ASPG: variants seen among roughly 807,000 people sequenced by gnomAD.
The protein encoded by ASPG is 60 kDa lysophospholipase.
Under a neutral mutation model 63.2 loss-of-function variants are expected in ASPG, and 53 were observed. The observed-to-expected ratio is 0.84, with a 90% CI of 0.67 to 1.05. The LOEUF (loss-of-function observed/expected upper bound fraction) is 1.05. Ranked by LOEUF, ASPG falls within the 50% of genes least tolerant of loss-of-function variation. The probability of loss-of-function intolerance (pLI) is 0.00; values close to 1 mark genes in which losing one functional copy is unlikely to be tolerated. For missense variants in ASPG, 741 were observed against 794.4 expected (o/e 0.93, Z 0.81); for synonymous variants, 370 against 355.0 (o/e 1.04, Z -0.48).
chr14:104,097,285 C>A (rs1186132541), intron 4 of ASPG, among the ~76,000 whole-genome samples: 1 of 152,000 alleles, frequency 6.6e-6, no homozygotes, highest in Non-Finnish European at 1.5e-5. Context: ...TGGGTTGAGG[C>A]CCTGGGTGCA....
chr14:104,092,862 C>G, intron 2 of ASPG, 121 bp downstream of exon 2: 1 of 808,742 alleles, frequency 1.2e-6, no homozygotes, highest in Non-Finnish European at 2.0e-6. Flanking sequence ...CTCTAACATC[C>G]CCTCAGCTTA....
chr14:104,089,096 C>G (rs12897334), intron 1 of ASPG, among the ~76,000 whole-genome samples: 2 of 151,904 alleles, frequency 1.3e-5, no homozygotes, highest in African/African-American at 4.8e-5. Flanking sequence ...TCTCAGCTCA[C>G]TGCAAGCTCT....
chr14:104,105,572 A>G (rs2037087664), intron 10 of ASPG, 122 bp downstream of exon 10: 2 of 1,339,132 alleles, frequency 1.5e-6, no homozygotes, highest in African/African-American at 3.0e-5. Context: ...ACAGTTAGGC[A>G]CACCCGGGTT....
rs374652325 is a variant in ASPG at position 104,107,272 on chromosome 14, C to T, written c.1360C>T (p.Leu454=). 53 of 1,609,428 alleles carry T rather than the reference C, an allele frequency of 3.3e-5. No homozygotes were observed. The highest frequency in any genetic ancestry group is 4.5e-5 in the Non-Finnish European group (53 of 1,177,954). The change falls in exon 12 of 16, where the codon CTG becomes TTG. Residue 454 remains leucine, a synonymous_variant. Coordinates refer to ENST00000551177, the MANE Select transcript of ASPG (RefSeq NM_001080464.3). ...GGHTEAVTML[L]QRGVDVNTRD... is the part of the protein sequence containing the mutation. ...CCACACAGAGGCAGTCACCATGCTGCTGCAGAGAGGTGTGGACGTGAACAC... is the reference window on the plus strand; with the variant it reads ...CCACACAGAGGCAGTCACCATGCTGTTGCAGAGAGGTGTGGACGTGAACAC...
Position 104,104,394 on chromosome 14 carries a change from G to T in ASPG, c.844G>T (p.Glu282Ter). ...ACCCACCAAGCCCGACCTGCTGCAGGAGCTGCGGGTGGCCACCGAGCGCGG... is the reference window on the plus strand; with the variant it reads ...ACCCACCAAGCCCGACCTGCTGCAGTAGCTGCGGGTGGCCACCGAGCGCGG... ...NGPTKPDLLQ[E>*]LRVATERGLV... is the part of the protein sequence containing the mutation. The change falls in exon 8 of 16, where the codon GAG becomes TAG. Residue 282 changes from glutamate to a stop codon, truncating the protein, a stop_gained. Transcript: ENST00000551177. LOFTEE classifies it high-confidence loss of function. 6.2e-7 allele frequency: 1 copy of T among 1,612,622 alleles called. No individual in the cohort carries two copies. Among genetic ancestry groups the T allele is most frequent in the Non-Finnish European group, 8.5e-7 (1 of 1,179,826 alleles).
chr14:104,111,070 C>T (rs1596115644), intron 13 of ASPG: 18 of 985,450 alleles, frequency 1.8e-5, no homozygotes, highest in Middle Eastern at 5.2e-4. Flanking sequence ...CCGGGAAGAG[C>T]GGTGTGTTGT....
rs540467156 is a variant in ASPG at position 104,094,193 on chromosome 14, G to A, written c.303+591G>A. On this transcript the variant is annotated intron_variant, in intron 3 of 15. Coordinates refer to ENST00000551177, the MANE Select transcript of ASPG (RefSeq NM_001080464.3). Reference sequence around the variant, plus strand: ...GGGCCAAGTCGACTTCCCAGATGAGGACACAACGGGAACAGTTGTCTTAGC... The same window carrying A: ...GGGCCAAGTCGACTTCCCAGATGAGAACACAACGGGAACAGTTGTCTTAGC... Among the ~76,000 whole-genome samples, 635 of 152,106 alleles carry A rather than the reference G, an allele frequency of 4.2e-3. 3 individuals are homozygous for A. Among genetic ancestry groups the A allele is most frequent in the Admixed American group, 8.8e-3 (135 of 15,288 alleles).
intron 13 of ASPG, chr14:104,111,001 C>T: frequency 1.0e-6 from 1 of 985,452 alleles, no homozygotes. Flanking sequence ...CCTCCTGTGT[C>T]CCCCTCTCTG....
intron 10 of ASPG, among the ~76,000 whole-genome samples, chr14:104,106,002 C>G (rs902870176): frequency 6.6e-6 from 1 of 152,350 alleles, no homozygotes; most frequent in South Asian, 2.1e-4. Context: ...GCAGGCCAGA[C>G]AGCCTTGCTC....
At position 104,112,183 on chromosome 14, in the gene ASPG, TGAG is replaced by T. The variant is rs2037402832; in HGVS notation, c.1701+187_1701+189del. Among the ~76,000 whole-genome samples the T allele has an allele frequency of 2.0e-5, 3 of 151,556 alleles. No individual in the cohort carries two copies. In the South Asian group the frequency reaches 6.2e-4, roughly 32 times the overall value. The stretch of plus-strand genomic sequence containing the variant: ...TCCAGGGTGGAACACAGTTTAGAGG[TGAG>T]GAGAAGGAGAAAGGAGCAGTCAGGG... On this transcript the variant is annotated intron_variant, in intron 15 of 15. Coordinates refer to ENST00000551177, the MANE Select transcript of ASPG (RefSeq NM_001080464.3).
intron 4 of ASPG, among the ~76,000 whole-genome samples, chr14:104,096,453 G>A (rs561878905): frequency 3.3e-4 from 50 of 152,256 alleles, no homozygotes; most frequent in Non-Finnish European, 4.7e-4. Flanking sequence ...CTTGCCTGGC[G>A]CCGTCTCCCT....
rs984294790 is a variant in ASPG, at chr14:104,097,998, C to T, written c.513+361C>T. 2.8e-3 allele frequency among the ~76,000 whole-genome samples: 366 copies of T among 130,248 alleles called. 1 individual carries two copies. The highest frequency in any genetic ancestry group is 3.7e-3 in the Non-Finnish European group (226 of 61,792). 85.4% of individuals were successfully genotyped at this position (130,248 alleles called of 152,430 possible). A position where few individuals can be genotyped will look rare whatever the true frequency, so the allele number is the denominator to read the frequency against. ...GTTAGAGATGCGTATGGAGGTTCTG[C>T]GTTAGAGATGCGTATGGAGGTTCTG... On this transcript the variant is annotated intron_variant, in intron 5 of 15. Transcript: ENST00000551177.
At chr14:104,107,479 C>T (rs145189706) in intron 12 of ASPG, 134 bp downstream of exon 12, 10,956 of 912,712 alleles carry the variant, frequency 0.012, 94 homozygotes, top group Non-Finnish European at 0.013. Context: ...AGGCTGCCCC[C>T]GCAGCCCGGG....
intron 2 of ASPG, 132 bp from the exon 3 acceptor site, chr14:104,093,359 C>A: frequency 1.3e-6 from 1 of 790,092 alleles, no homozygotes; most frequent in Non-Finnish European, 2.2e-6. Flanking sequence ...TGAGAACTTG[C>A]TATGTGCGGA....
At chr14:104,094,000 C>T (rs1401455289) in intron 3 of ASPG, among the ~76,000 whole-genome samples, 1 of 151,746 alleles carries the variant, frequency 6.6e-6, no homozygotes, top group Admixed American at 6.6e-5. Flanking sequence ...CAGAAACACT[C>T]TGGGACGGGT....
chr14:104,092,708 C>A lies in ASPG; in HGVS notation c.158C>A (p.Ala53Asp). 1 of 1,537,198 alleles carries A rather than the reference C, an allele frequency of 6.5e-7. No individual in the cohort carries two copies. The change falls in exon 2 of 16, where the codon GCC becomes GAC. Residue 53 changes from alanine (A) to aspartate (D), a missense_variant. Physicochemically the swap from Ala to Asp is moderately radical, Grantham distance 126 (BLOSUM62 -2). Transcript: ENST00000551177. ...TTCCATGACGAGGAGCACGCCCGAGCCCGCGGCCTCTCTGAGGACACCCTG... is the reference window on the plus strand; with the variant it reads ...TTCCATGACGAGGAGCACGCCCGAGACCGCGGCCTCTCTGAGGACACCCTG... Reference protein sequence around the residue: ...PMFHDEEHARARGLSEDTLVL... With the variant: ...PMFHDEEHARDRGLSEDTLVL...
intron 10 of ASPG, among the ~76,000 whole-genome samples, chr14:104,105,752 G>A (rs1449451267): frequency 1.3e-5 from 2 of 152,196 alleles, no homozygotes; most frequent in South Asian, 2.1e-4. Context: ...GAAGAAGGGC[G>A]GGTGAGTGGG....
chr14:104,089,548 A>T (rs1167632838), intron 1 of ASPG, among the ~76,000 whole-genome samples: 1 of 152,126 alleles, frequency 6.6e-6, no homozygotes, highest in Non-Finnish European at 1.5e-5. Flanking sequence ...ATGCCACTAC[A>T]TACCTGTTAG....
Position 104,110,945 on chromosome 14 carries a change from C to A in ASPG, c.1521-557C>A, listed in dbSNP as rs1001940588. ...AGACCCCTGTCCCAGCCAGGACCCC[C>A]CCATGCAGTCTGCCGGGGTCCAGGG... On this transcript the variant is annotated intron_variant, in intron 13 of 15. Coordinates refer to ENST00000551177, the MANE Select transcript of ASPG (RefSeq NM_001080464.3). This position sits in a 1 kb window ranked among gnomAD's most constrained non-coding sequence, Gnocchi z 4.7. 1 of 985,288 alleles carries A rather than the reference C, an allele frequency of 1.0e-6. No homozygotes were observed. Among genetic ancestry groups the A allele is most frequent in the African/African-American group, 1.7e-5 (1 of 57,230 alleles). The allele number at this position is 985,288 out of a possible 1,614,324, so 61.0% of individuals were successfully genotyped here.
Sources: gnomAD v4.1 joint callset for allele counts (sites outside exome capture counted in the v4.1 genomes callset) on GRCh38, gnomAD v4.1.1 for gene constraint, Gnocchi (gnomAD v3.1) non-coding constraint, MANE v1.5 for transcripts, NCBI Gene and HGNC (gene_info 2026-07-23, HGNC 2026-07-21) for gene names.